Variants in MAML3 observed in about 807,000 individuals in gnomAD.
MAML3 encodes mastermind like transcriptional coactivator 3.
In MAML3, 27 loss-of-function variants were observed where a neutral mutation model predicts 101.9. The ratio of observed to expected loss-of-function variants is 0.27; its 90% CI spans 0.20 to 0.37. MAML3 has a LOEUF of 0.37. Ranked by LOEUF, MAML3 falls within the 10% of genes least tolerant of loss-of-function variation. The probability of loss-of-function intolerance (pLI) is 1.00; values close to 1 mark genes in which losing one functional copy is unlikely to be tolerated. For synonymous variants in MAML3, 501 were observed against 555.9 expected (o/e 0.90, Z 1.39); for missense variants, 1,316 against 1,444.9 (o/e 0.91, Z 1.45).
chr4:139,775,996 C>T (rs1282972643), intron 2 of MAML3, among the ~76,000 whole-genome samples: 3 of 152,210 alleles, frequency 2.0e-5, no homozygotes, highest in East Asian at 1.9e-4. Flanking sequence ...TCTGCTTCTA[C>T]GGCTGCCATT....
At chr4:139,923,973 T>C (rs569374210) in intron 1 of MAML3, among the ~76,000 whole-genome samples, 1 of 152,334 alleles carries the variant, frequency 6.6e-6, no homozygotes, top group East Asian at 1.9e-4. Context: ...GTAAAGTCTG[T>C]AGGAATGTTA....
chr4:139,725,646 T>C (rs1211134563), intron 4 of MAML3, 105 bp downstream of exon 4: 2 of 1,124,900 alleles, frequency 1.8e-6, no homozygotes, highest in Admixed American at 3.9e-5. Context: ...ATTTTGAGTA[T>C]TTCCTGGACA....
intron 2 of MAML3, among the ~76,000 whole-genome samples, chr4:139,773,807 A>G (rs1730040963): frequency 6.6e-6 from 1 of 152,238 alleles, no homozygotes; most frequent in African/African-American, 2.4e-5. Flanking sequence ...TGTTGTGTGG[A>G]CTGTACTTAA....
At chr4:139,934,885 T>C (rs1254501783) in intron 1 of MAML3, among the ~76,000 whole-genome samples, 1 of 152,010 alleles carries the variant, frequency 6.6e-6, no homozygotes, top group East Asian at 1.9e-4. Context: ...AGGCATAGAG[T>C]AATTTTCTGC....
chr4:139,834,183 T>G (rs1731219496), intron 2 of MAML3, among the ~76,000 whole-genome samples: 1 of 152,248 alleles, frequency 6.6e-6, no homozygotes, highest in Admixed American at 6.5e-5. Flanking sequence ...CTTATCTTCA[T>G]TCCTACACAA....
chr4:139,734,280 CTG>C (rs1293363178), intron 2 of MAML3, among the ~76,000 whole-genome samples: 1 of 152,240 alleles, frequency 6.6e-6, no homozygotes, highest in Non-Finnish European at 1.5e-5. Context: ...AGGACACACA[CTG>C]TGTTGTGCAA....
At position 140,096,647 on chromosome 4, in the gene MAML3, G is replaced by A. The variant is rs746684789; in HGVS notation, c.468+56213C>T. On this transcript the variant is annotated intron_variant, in intron 1 of 4. Coordinates refer to ENST00000509479, the MANE Select transcript of MAML3 (RefSeq NM_018717.5). ...GGCTGCTGGGGACTGACACGTGGGA[G>A]CAGTGCAGAAGAGAACCCTGACAAA... Among the ~76,000 whole-genome samples the A allele has an allele frequency of 2.0e-5, 3 of 152,192 alleles. No individual in the cohort carries two copies. The East Asian group carries it at 5.8e-4, about 29-fold the overall frequency.
chr4:139,985,481 C>T (rs1734519935), intron 1 of MAML3, among the ~76,000 whole-genome samples: 1 of 152,176 alleles, frequency 6.6e-6, no homozygotes, highest in African/African-American at 2.4e-5. Flanking sequence ...CTGTATACAA[C>T]AAAAGGTCAG....
intron 2 of MAML3, among the ~76,000 whole-genome samples, chr4:139,844,990 G>C (rs1560811709): frequency 6.6e-6 from 1 of 150,988 alleles, no homozygotes; most frequent in Non-Finnish European, 1.5e-5. Flanking sequence ...CTCTCTCTCT[G>C]TCTGTCTCTC....
intron 1 of MAML3, among the ~76,000 whole-genome samples, chr4:140,074,394 C>T (rs1727732691): frequency 6.6e-6 from 1 of 152,130 alleles, no homozygotes; most frequent in African/African-American, 2.4e-5. Context: ...GCTGCCACCA[C>T]AAATGACCTC....
intron 1 of MAML3, among the ~76,000 whole-genome samples, chr4:139,937,396 T>A (rs1444487872): frequency 6.6e-6 from 1 of 152,026 alleles, no homozygotes; most frequent in East Asian, 1.9e-4. Flanking sequence ...AAAGGAGTTT[T>A]TTTTTTTTTT....
chr4:140,068,972 A>G (rs1462591836), intron 1 of MAML3, among the ~76,000 whole-genome samples: 13 of 152,280 alleles, frequency 8.5e-5, no homozygotes. Context: ...GAATTTTATA[A>G]TTTGACAGGT....
At chr4:139,988,326 C>CAAAAAAA (rs764018702) in intron 1 of MAML3, among the ~76,000 whole-genome samples, 38 of 81,818 alleles carry the variant, frequency 4.6e-4, no homozygotes, top group African/African-American at 1.0e-3. Context: ...GACTCCGTCT[C>CAAAAAAA]AAAAAAAAAA....
chr4:139,936,789 T>G (rs1733516077), intron 1 of MAML3, among the ~76,000 whole-genome samples: 1 of 152,096 alleles, frequency 6.6e-6, no homozygotes, highest in Non-Finnish European at 1.5e-5. Flanking sequence ...TTCCCCCAAC[T>G]CCTCAACAAA....
intron 1 of MAML3, among the ~76,000 whole-genome samples, chr4:139,916,826 G>T (rs1283699509): frequency 6.6e-6 from 1 of 152,198 alleles, no homozygotes; most frequent in Non-Finnish European, 1.5e-5. Context: ...GGTACTTGAA[G>T]ACTTTTTGTA....
chr4:139,968,309 T>TAAAAAAAAAAAAAAA (rs60977680), intron 1 of MAML3, among the ~76,000 whole-genome samples: 1 of 106,308 alleles, frequency 9.4e-6, no homozygotes, highest in African/African-American at 3.4e-5. Context: ...GGCTCTGTCT[T>TAAAAAAAAAAAAAAA]AAAAAAAAAA....
Position 139,789,807 on chromosome 4 carries a change from T to C in MAML3, c.2080-59140A>G, listed in dbSNP as rs532629813. On this transcript the variant is annotated intron_variant, in intron 2 of 4. Coordinates refer to ENST00000509479, the MANE Select transcript of MAML3 (RefSeq NM_018717.5). Reference sequence around the variant, plus strand: ...GTTTTTGTTTTTCCAACCTCAACTATGGCAATGTTGGTGAATTCAGAAAGG... The same window carrying C: ...GTTTTTGTTTTTCCAACCTCAACTACGGCAATGTTGGTGAATTCAGAAAGG... 3.2e-4 allele frequency among the ~76,000 whole-genome samples: 48 copies of C among 152,216 alleles called. No individual in the cohort carries two copies. In the East Asian group the frequency reaches 7.5e-3, roughly 24 times the overall value.
intron 1 of MAML3, among the ~76,000 whole-genome samples, chr4:140,114,735 C>T (rs1728489503): frequency 6.6e-6 from 1 of 152,320 alleles, no homozygotes; most frequent in African/African-American, 2.4e-5. Context: ...ATCCATACCC[C>T]AAACCCACAT....
rs572770573 is a variant in MAML3 at position 139,887,565 on chromosome 4, C to T, written c.2079+1792G>A. 1.8e-4 allele frequency among the ~76,000 whole-genome samples: 28 copies of T among 152,298 alleles called. No homozygotes were observed. The South Asian group carries it at 5.2e-3, about 28-fold the overall frequency. On this transcript the variant is annotated intron_variant, in intron 2 of 4. Coordinates refer to ENST00000509479, the MANE Select transcript of MAML3 (RefSeq NM_018717.5). ...GAAGTACCCTTAAAACTCATGTTCC[C>T]GCAAAGACAGGAACTTGTCCCAAGT... is the stretch of plus-strand genomic sequence containing the variant.
Sources: allele counts gnomAD v4.1 joint callset (sites outside exome capture counted in the v4.1 genomes callset), GRCh38; gene constraint gnomAD v4.1.1; transcripts MANE v1.5; gene names NCBI Gene and HGNC (gene_info 2026-07-23, HGNC 2026-07-21).